AP5Z1: variants seen among roughly 807,000 people sequenced by gnomAD.
AP5Z1 encodes the protein AP-5 complex subunit zeta-1.
In AP5Z1, 106 loss-of-function variants were observed where a neutral mutation model predicts 83.0. The observed-to-expected ratio is 1.28, with a 90% CI of 1.09 to 1.50. AP5Z1 has a LOEUF of 1.50. AP5Z1 is among the 40% of genes most tolerant of loss of function. AP5Z1 has a pLI of 0.00. For synonymous variants in AP5Z1, 751 were observed against 514.1 expected (o/e 1.46, Z -6.23); for missense variants, 1,565 against 1,094.2 (o/e 1.43, Z -6.07).
rs961958659 is a variant in AP5Z1 at position 4,793,902 on chromosome 7, T to A, written c.*2517T>A. ...GCAGGGCACGGGACTGGCAGGCAGC[T>A]CTACCTGCAGCCCCTGTGCAGGATC... On this transcript the variant is annotated 3_prime_UTR_variant, in exon 17 of 17. Coordinates refer to ENST00000649063, the MANE Select transcript of AP5Z1 (RefSeq NM_014855.3). The A allele has an allele frequency of 6.5e-6, 1 of 152,732 alleles. No individual in the cohort carries two copies. Among genetic ancestry groups the A allele is most frequent in the Middle Eastern group, 3.4e-3 (1 of 294 alleles). The allele number at this position is 152,732 out of a possible 1,614,324, so 9.5% of individuals were successfully genotyped here.
At position 4,783,303 on chromosome 7, in the gene AP5Z1, G is replaced by GT; in HGVS notation, c.367-10dup. 1 of 1,596,498 alleles carries GT rather than the reference G, an allele frequency of 6.3e-7. No homozygotes were observed. Among genetic ancestry groups the GT allele is most frequent in the Non-Finnish European group, 8.5e-7 (1 of 1,170,920 alleles). ...AGGCCAGTACCCCAGCGTTTGCCCT[G>GT]TTTGATTTGAAGGGTGACAGAAACG... On this transcript the variant is annotated splice_polypyrimidine_tract_variant and intron_variant, in intron 3 of 16. Transcript: ENST00000649063.
chr7:4,792,128 G>A lies in AP5Z1; in HGVS notation c.*743G>A, dbSNP rs1053498341. The A allele has an allele frequency of 2.0e-5, 3 of 152,268 alleles. No individual in the cohort carries two copies. The highest frequency in any genetic ancestry group is 4.8e-5 in the African/African-American group (2 of 41,438). The allele number at this position is 152,268 out of a possible 1,614,324, so 9.4% of individuals were successfully genotyped here. A position where few individuals can be genotyped will look rare whatever the true frequency, so the allele number is the denominator to read the frequency against. On this transcript the variant is annotated 3_prime_UTR_variant, in exon 17 of 17. Coordinates refer to ENST00000649063, the MANE Select transcript of AP5Z1 (RefSeq NM_014855.3). ...TCAGAACACTGGATTCGCGCGAAGG[G>A]GAGGTGTCTGGGCGTGCGGCCCCAG...
In AP5Z1 at chr7:4,790,655, C is replaced by T. The variant is rs778152865; in HGVS notation, c.1939-18C>T. 36 of 1,612,038 alleles carry T rather than the reference C, an allele frequency of 2.2e-5. No individual in the cohort carries two copies. The African/African-American group carries it at 4.7e-4, about 21-fold the overall frequency. ...CAGGAGGCCTGGGTGGGGGCTGAATCTCTGTCCCCGGGCCTAGGTGTGGGC... is the reference window on the plus strand; with the variant it reads ...CAGGAGGCCTGGGTGGGGGCTGAATTTCTGTCCCCGGGCCTAGGTGTGGGC... On this transcript the variant is annotated intron_variant, in intron 15 of 16. Transcript: ENST00000649063.
At position 4,787,739 on chromosome 7, in the gene AP5Z1, C is replaced by G. The variant is rs778149417; in HGVS notation, c.1417C>G (p.Leu473Val). The change falls in exon 11 of 17, where the codon CTG (leucine) becomes GTG (valine). Residue 473 changes from leucine to valine, a missense_variant. Coordinates refer to ENST00000649063, the MANE Select transcript of AP5Z1 (RefSeq NM_014855.3). ...ALEMLHALLDLPCLTAVLDLQ... is the reference protein window; with the variant it reads ...ALEMLHALLDVPCLTAVLDLQ... ...GGAGATGCTGCACGCGCTGCTGGAC[C>G]TGCCCTGCTTGACGGCGGTGCTGGA... 1 of 1,546,604 alleles carries G rather than the reference C, an allele frequency of 6.5e-7. No individual in the cohort carries two copies. Among genetic ancestry groups the G allele is most frequent in the Non-Finnish European group, 8.7e-7 (1 of 1,148,720 alleles).
rs756182519 is a variant in AP5Z1 at position 4,783,782 on chromosome 7, C to T, written c.605C>T (p.Thr202Met). 80 of 1,549,160 alleles carry T rather than the reference C, an allele frequency of 5.2e-5. No individual in the cohort carries two copies. The East Asian group carries it at 9.3e-4, about 18-fold the overall frequency. Residue 202 changes from threonine (T) to methionine (M), a missense_variant, in exon 5 of 17, where the codon ACG becomes ATG. Physicochemically the swap from Thr to Met is moderately conservative, Grantham distance 81 (BLOSUM62 -1). Coordinates refer to ENST00000649063, the MANE Select transcript of AP5Z1 (RefSeq NM_014855.3). ...CCACACTCCGGCGGCTTCTTCTCCACGCCCAGGGCCCGGCAGGTGAGGCTG... is the reference window on the plus strand; with the variant it reads ...CCACACTCCGGCGGCTTCTTCTCCATGCCCAGGGCCCGGCAGGTGAGGCTG... ...GLPHSGGFFS[T>M]PRARQPGPVT...
Position 4,792,171 on chromosome 7 carries a change from G to A in AP5Z1, c.*786G>A, listed in dbSNP as rs1781799267. 6.6e-6 allele frequency: 1 copy of A among 152,156 alleles called. No homozygotes were observed. Among genetic ancestry groups the A allele is most frequent in the Non-Finnish European group, 1.5e-5 (1 of 68,064 alleles). 9.4% of individuals were successfully genotyped at this position (152,156 alleles called of 1,614,324 possible). A position where few individuals can be genotyped will look rare whatever the true frequency, so the allele number is the denominator to read the frequency against. On this transcript the variant is annotated 3_prime_UTR_variant, in exon 17 of 17. Coordinates refer to ENST00000649063, the MANE Select transcript of AP5Z1 (RefSeq NM_014855.3). ...GGCCCCAGCCCCGCCACCTTCCTGG[G>A]CCCTGTGGTCCCACCCTCCGGACTA...
At position 4,791,232 on chromosome 7, in the gene AP5Z1, G is replaced by A. The variant is rs762638792; in HGVS notation, c.2271G>A (p.Leu757=). The A allele has an allele frequency of 3.7e-6, 6 of 1,612,852 alleles. No individual in the cohort carries two copies. In the Admixed American group the frequency reaches 5.0e-5, roughly 13 times the overall value. The change falls in exon 17 of 17, where the codon CTG becomes CTA. Residue 757 remains leucine, a synonymous_variant. Coordinates refer to ENST00000649063, the MANE Select transcript of AP5Z1 (RefSeq NM_014855.3). ...CCCGGGCCACAGAGCTGCTGACCCT[G>A]CTGAAGATGCCTAGCGTGGCCCAGT... The part of the protein sequence containing the change: ...IRTRATELLT[L]LKMPSVAQFV...
At chr7:4,788,129 T>A (rs1168026997) in intron 11 of AP5Z1, 25 bp from the exon 12 acceptor site, 2 of 1,504,082 alleles carry the variant, frequency 1.3e-6, no homozygotes, top group Non-Finnish European at 1.8e-6. Context: ...CATCCCAGCC[T>A]GGCCTTGGGC....
chr7:4,778,792 TATA>T (rs1406662862), intron 1 of AP5Z1, among the ~76,000 whole-genome samples: 2 of 146,496 alleles, frequency 1.4e-5, no homozygotes, highest in African/African-American at 5.0e-5. Flanking sequence ...TAATATATAA[TATA>T]ATTATATGTT....
At chr7:4,786,106 G>A (rs965581881) in intron 9 of AP5Z1, 144 bp from the exon 10 acceptor site, 15 of 788,056 alleles carry the variant, frequency 1.9e-5, no homozygotes, top group East Asian at 5.5e-5. Context: ...ACCAAGTGCC[G>A]CTTCCCCAGC....
At position 4,784,270 on chromosome 7, in the gene AP5Z1, A is replaced by T; in HGVS notation, c.689A>T (p.His230Leu). 1 of 1,540,318 alleles carries T rather than the reference A, an allele frequency of 6.5e-7. No homozygotes were observed. The highest frequency in any genetic ancestry group is 1.1e-5 in the South Asian group (1 of 87,620). Residue 230 changes from histidine (H) to leucine (L), a missense_variant, in exon 6 of 17, where the codon CAC (histidine) becomes CTC (leucine). Physicochemically the swap from His to Leu is moderately conservative, Grantham distance 99. Coordinates refer to ENST00000649063, the MANE Select transcript of AP5Z1 (RefSeq NM_014855.3). ...TDFFTVLSSG[H>L]RFTDDQWLNV... ...TTCTTCACGGTGCTCTCCAGCGGCCACCGCTTCACAGACGACCAGTGGCTG... is the reference window on the plus strand; with the variant it reads ...TTCTTCACGGTGCTCTCCAGCGGCCTCCGCTTCACAGACGACCAGTGGCTG...
rs997254504 is a variant in AP5Z1, at chr7:4,791,865, C to T, written c.*480C>T. On this transcript the variant is annotated 3_prime_UTR_variant, in exon 17 of 17. Coordinates refer to ENST00000649063, the MANE Select transcript of AP5Z1 (RefSeq NM_014855.3). The stretch of plus-strand genomic sequence containing the variant: ...TGCTGCCAGTCCTGGAGGCTCAGCC[C>T]GGCGTGCCACTGCTGCTACAGAAAC... 7 of 159,398 alleles carry T rather than the reference C, an allele frequency of 4.4e-5. No homozygotes were observed. Among genetic ancestry groups the T allele is most frequent in the Non-Finnish European group, 6.9e-5 (5 of 72,962 alleles). 9.9% of individuals were successfully genotyped at this position (159,398 alleles called of 1,614,324 possible).
At position 4,786,632 on chromosome 7, in the gene AP5Z1, C is replaced by T. The variant is rs375864043; in HGVS notation, c.1311+204C>T. ...TGATTGACGGTGCTGTCCAAGAACT[C>T]CCTTGTGGGTGTTTTGGAGAGGGGG... On this transcript the variant is annotated intron_variant, in intron 10 of 16. Transcript: ENST00000649063. Among the ~76,000 whole-genome samples the T allele has an allele frequency of 3.9e-5, 6 of 152,134 alleles. No homozygotes were observed. The East Asian group carries it at 7.7e-4, about 20-fold the overall frequency.
rs1348327775 is a variant in AP5Z1 at position 4,790,018 on chromosome 7, T to G, written c.1805+89T>G. On this transcript the variant is annotated intron_variant, in intron 14 of 16. Coordinates refer to ENST00000649063, the MANE Select transcript of AP5Z1 (RefSeq NM_014855.3). ...CCCCTCCCCCCTCCCCTTCAGTGGC[T>G]TCGGCACCACCCCTAGCTGGGCCCT... is the stretch of plus-strand genomic sequence containing the variant. 89 of 739,326 alleles carry G rather than the reference T, an allele frequency of 1.2e-4. 1 individual carries two copies. The highest frequency in any genetic ancestry group is 7.4e-4 in the Admixed American group (18 of 24,464). 45.8% of individuals were successfully genotyped at this position (739,326 alleles called of 1,614,324 possible).
intron 9 of AP5Z1, 33 bp from the exon 10 acceptor site, chr7:4,786,217 A>G (rs767087442): frequency 1.9e-6 from 3 of 1,564,782 alleles, no homozygotes; most frequent in Non-Finnish European, 2.6e-6. Context: ...GGCGAGGTCA[A>G]GACGTGTGCC....
At chr7:4,779,635 T>C (rs1232502413) in intron 1 of AP5Z1, among the ~76,000 whole-genome samples, 1 of 151,422 alleles carries the variant, frequency 6.6e-6, no homozygotes, top group Non-Finnish European at 1.5e-5. Context: ...GAATTTTTTT[T>C]ATTTTTATTT....
chr7:4,786,422 C>CTT lies in AP5Z1; in HGVS notation c.1307_1308dup (p.Lys437LeufsTer41), dbSNP rs1289712210. Reference sequence around the variant, plus strand: ...CCCTCAGATTGAGCTTCCCCAACCTCTTTAAGGTATATTTGGGCATCCCTG... The same window carrying CTT: ...CCCTCAGATTGAGCTTCCCCAACCTCTTTTTAAGGTATATTTGGGCATCCCTG... On this transcript the variant is annotated frameshift_variant, in exon 10 of 17. Coordinates refer to ENST00000649063, the MANE Select transcript of AP5Z1 (RefSeq NM_014855.3). LOFTEE classifies it high-confidence loss of function. 1 of 1,613,666 alleles carries CTT rather than the reference C, an allele frequency of 6.2e-7. No homozygotes were observed. The highest frequency in any genetic ancestry group is 1.3e-5 in the African/African-American group (1 of 74,936).
Position 4,787,752 on chromosome 7 carries a change from C to T in AP5Z1, c.1430C>T (p.Thr477Met), listed in dbSNP as rs375742671. 49 of 1,542,138 alleles carry T rather than the reference C, an allele frequency of 3.2e-5. No homozygotes were observed. The highest frequency in any genetic ancestry group is 8.2e-5 in the African/African-American group (6 of 73,134). ...LHALLDLPCL[T>M]AVLDLQLRSA... ...GCGCTGCTGGACCTGCCCTGCTTGA[C>T]GGCGGTGCTGGACCTGCAGCTCAGG... Residue 477 changes from threonine (T) to methionine (M), a missense_variant, in exon 11 of 17, where the codon ACG becomes ATG. Coordinates refer to ENST00000649063, the MANE Select transcript of AP5Z1 (RefSeq NM_014855.3).
intron 10 of AP5Z1, 65 bp from the exon 11 acceptor site, chr7:4,787,569 C>T: frequency 3.3e-6 from 5 of 1,514,580 alleles, no homozygotes; most frequent in African/African-American, 2.7e-5. Context: ...CCCTAGCTGG[C>T]TCCTCCCTCT....
Sources: gnomAD v4.1 joint callset for allele counts (sites outside exome capture counted in the v4.1 genomes callset) on GRCh38, gnomAD v4.1.1 for gene constraint, MANE v1.5 for transcripts, NCBI Gene and HGNC (gene_info 2026-07-23, HGNC 2026-07-21) for gene names.